Variants in PHF8 observed in about 807,000 individuals in gnomAD.
PHF8 encodes histone lysine demethylase PHF8.
PHF8 carries 9 observed loss-of-function variants against 74.4 expected under a neutral mutation model. That is an observed-to-expected ratio of 0.12 (90% CI 0.07 to 0.21). The LOEUF (loss-of-function observed/expected upper bound fraction) is 0.21, where lower values mean the gene tolerates loss of function less well. PHF8 is among the 10% of genes least tolerant of loss of function. The pLI is 1.00. For missense variants in PHF8, 478 were observed against 816.6 expected (o/e 0.59, Z 5.05); for synonymous variants, 311 against 316.6 (o/e 0.98, Z 0.19).
In PHF8 at chrX:53,959,758, G is replaced by A. The variant is rs1016058117; in HGVS notation, c.2539+3086C>T. ...GCGCGCCTATAGTCCCAGCTACTTT[G>A]GAGGCTGAGGTATGAGAATCGTTTG... On this transcript the variant is annotated intron_variant, in intron 19 of 21. Coordinates refer to ENST00000338154, the MANE Select transcript of PHF8 (RefSeq NM_015107.3). 1.1e-4 allele frequency among the ~76,000 whole-genome samples: 12 copies of A among 106,036 alleles called. No individual in the cohort carries two copies. The Admixed American group carries it at 1.1e-3, about 10-fold the overall frequency. 92.1% of individuals were successfully genotyped at this position (106,036 alleles called of 115,157 possible).
chrX:54,042,857 C>T, intron 1 of PHF8, 37 bp from the exon 2 acceptor site: 1 of 887,506 alleles, frequency 1.1e-6, no homozygotes. Flanking sequence ...AGTGAATCAG[C>T]CCCCGCCCCC....
At chrX:53,945,563 G>A (rs1557084958) in intron 19 of PHF8, among the ~76,000 whole-genome samples, 1 of 110,392 alleles carries the variant, frequency 9.1e-6, no homozygotes, top group African/African-American at 3.3e-5. Context: ...TAATCTCCCT[G>A]AACTGGCATT....
chrX:53,976,604 C>G (rs782301591), intron 18 of PHF8, among the ~76,000 whole-genome samples: 1 of 107,143 alleles, frequency 9.3e-6, no homozygotes, highest in East Asian at 2.9e-4. Flanking sequence ...CAAGGCTATG[C>G]AACACAGTGA....
intron 14 of PHF8, among the ~76,000 whole-genome samples, chrX:53,989,018 G>C (rs1603316116): frequency 9.3e-6 from 1 of 107,043 alleles, no homozygotes; most frequent in African/African-American, 3.4e-5. Flanking sequence ...CTGGAGTACA[G>C]TGGCATGATC....
At chrX:53,987,657 C>T (rs1405755479) in intron 15 of PHF8, 109 bp downstream of exon 15, 11 of 683,888 alleles carry the variant, frequency 1.6e-5, no homozygotes, top group Non-Finnish European at 2.5e-5. Flanking sequence ...TGCAGTGAGC[C>T]AAGATCGTGC....
At chrX:53,988,953 A>G (rs1051146755) in intron 14 of PHF8, among the ~76,000 whole-genome samples, 6 of 107,779 alleles carry the variant, frequency 5.6e-5, no homozygotes, top group Admixed American at 1.0e-4. Flanking sequence ...GACAATTTTT[A>G]TATTTGCTTT....
At position 54,017,686 on chromosome X, in the gene PHF8, A is replaced by G; in HGVS notation, c.429T>C (p.Thr143=). ...CAACATAGTGTTCAACATCCCTCACAGTGAATGATGGCGAGGGCAGCGTCA... is the reference window on the plus strand; with the variant it reads ...CAACATAGTGTTCAACATCCCTCACGGTGAATGATGGCGAGGGCAGCGTCA... ...LGMTLPSPSF[T]VRDVEHYVGS... Residue 143 remains threonine, a synonymous_variant, in exon 5 of 22, where the codon ACT becomes ACC. Coordinates refer to ENST00000338154, the MANE Select transcript of PHF8 (RefSeq NM_015107.3). 8.3e-7 allele frequency: 1 copy of G among 1,208,795 alleles called. No homozygotes were observed.
At position 53,943,203 on chromosome X, in the gene PHF8, G is replaced by A. The variant is rs1458546049; in HGVS notation, c.2649+931C>T. 6.5e-6 allele frequency: 6 copies of A among 927,872 alleles called. No homozygotes were observed. In the African/African-American group the frequency reaches 1.2e-4, roughly 19 times the overall value. The allele number at this position is 927,872 out of a possible 1,213,427, so 76.5% of individuals were successfully genotyped here. A position where few individuals can be genotyped will look rare whatever the true frequency, so the allele number is the denominator to read the frequency against. On this transcript the variant is annotated intron_variant, in intron 20 of 21. Transcript: ENST00000338154. The stretch of plus-strand genomic sequence containing the variant: ...TTACACTGTATTGGGATATACATAA[G>A]AGACAGAAGTTCTGGTCAAAGAAGA...
chrX:54,021,843 C>CT (rs1190216113), intron 4 of PHF8, among the ~76,000 whole-genome samples: 1 of 111,241 alleles, frequency 9.0e-6, no homozygotes, highest in African/African-American at 3.3e-5. Flanking sequence ...TGCTTTGTTC[C>CT]TTTTTTTAAC....
At chrX:54,017,211 C>G (rs915613402) in intron 5 of PHF8, among the ~76,000 whole-genome samples, 1 of 112,728 alleles carries the variant, frequency 8.9e-6, no homozygotes, top group Non-Finnish European at 1.9e-5. Context: ...GTTGGGAGGC[C>G]GAGGCAGAAA....
chrX:53,960,352 G>T (rs2065083810), intron 19 of PHF8, among the ~76,000 whole-genome samples: 1 of 109,049 alleles, frequency 9.2e-6, no homozygotes, highest in Admixed American at 9.8e-5. Context: ...TGGGATTACA[G>T]GCGTGAGCCA....
At position 53,940,505 on chromosome X, in the gene PHF8, C is replaced by G; in HGVS notation, c.2661G>C (p.Lys887Asn). 1 of 1,193,632 alleles carries G rather than the reference C, an allele frequency of 8.4e-7. No homozygotes were observed. The highest frequency in any genetic ancestry group is 1.1e-6 in the Non-Finnish European group (1 of 880,874). Residue 887 changes from lysine to asparagine, a missense_variant, in exon 21 of 22, where the codon AAG becomes AAC. By Grantham distance (94) the Lys-to-Asn change is moderately conservative. This residue lies in a region of PHF8 where 75 missense variants were observed against 93.3 expected (regional missense o/e 0.80). Transcript: ENST00000338154. ...AAKLAQQELQ[K>N]AQKKKYIKKK... ...TCTTGATATATTTCTTCTTTTGGGC[C>G]TTCTGTAGCTCCTGAAACACAAGCC...
At chrX:54,020,821 G>A (rs1471908738) in intron 4 of PHF8, among the ~76,000 whole-genome samples, 1 of 110,847 alleles carries the variant, frequency 9.0e-6, no homozygotes, top group Non-Finnish European at 1.9e-5. Context: ...AGAGCAAAGG[G>A]AATACTTATA....
chrX:53,961,839 T>A (rs1283465965), intron 19 of PHF8, among the ~76,000 whole-genome samples: 2 of 111,239 alleles, frequency 1.8e-5, no homozygotes, highest in Non-Finnish European at 3.8e-5. Flanking sequence ...TGGCCTTCAG[T>A]GTGCTCATGT....
chrX:53,993,958 C>T (rs1206522504), intron 12 of PHF8, 55 bp from the exon 13 acceptor site: 1 of 900,950 alleles, frequency 1.1e-6, no homozygotes, highest in African/African-American at 2.0e-5. Context: ...GTTCTCTCAA[C>T]ACTAACAGCA....
chrX:53,978,508 A>G, intron 18 of PHF8, among the ~76,000 whole-genome samples: 1 of 111,446 alleles, frequency 9.0e-6, no homozygotes, highest in Non-Finnish European at 1.9e-5. Flanking sequence ...TATTAAAGCC[A>G]TTATGGTGGG....
Position 53,985,141 on chromosome X carries a change from G to T in PHF8, c.2216C>A (p.Ala739Asp). Residue 739 changes from alanine to aspartate, a missense_variant, in exon 18 of 22, where the codon GCT becomes GAT. Physicochemically the swap from Ala to Asp is moderately radical, Grantham distance 126 (BLOSUM62 -2). This residue lies in a region of PHF8 where 51 missense variants were observed against 45.8 expected (regional missense o/e 1.11). Transcript: ENST00000338154. ...CCACCAGGCCTGCAGGCTAGAGGTA[G>T]CCGGTGAGGACGATGAGGACTGCAG... ...ANLQSSSSSP[A>D]TSSLQAWWTG... 8.3e-7 allele frequency: 1 copy of T among 1,207,781 alleles called. No individual in the cohort carries two copies. Among genetic ancestry groups the T allele is most frequent in the Non-Finnish European group, 1.1e-6 (1 of 892,983 alleles).
Position 53,948,313 on chromosome X carries a change from G to A in PHF8, c.2540-4070C>T, listed in dbSNP as rs1353293668. Among the ~76,000 whole-genome samples, 3 of 111,861 alleles carry A rather than the reference G, an allele frequency of 2.7e-5. No homozygotes were observed. In the East Asian group the frequency reaches 8.5e-4, roughly 32 times the overall value. On this transcript the variant is annotated intron_variant, in intron 19 of 21. Transcript: ENST00000338154. ...CCTTATTTAATTTTTTTGAGATGGAGTCTCACAGTCACGCAGTGGCGTGAC... is the reference window on the plus strand; with the variant it reads ...CCTTATTTAATTTTTTTGAGATGGAATCTCACAGTCACGCAGTGGCGTGAC...
At position 53,937,822 on chromosome X, in the gene PHF8, A is replaced by T; in HGVS notation, c.*1336T>A. The T allele has an allele frequency of 2.1e-6, 1 of 473,240 alleles. No homozygotes were observed. The highest frequency in any genetic ancestry group is 3.7e-6 in the Non-Finnish European group (1 of 271,431). The allele number at this position is 473,240 out of a possible 1,213,427, so 39.0% of individuals were successfully genotyped here. On this transcript the variant is annotated 3_prime_UTR_variant, in exon 22 of 22. Transcript: ENST00000338154. ...GGTGGAAAGGGCAAGGGTACACTCCACTTGGGTAGTGCCAAATGGAGGTGG... is the reference window on the plus strand; with the variant it reads ...GGTGGAAAGGGCAAGGGTACACTCCTCTTGGGTAGTGCCAAATGGAGGTGG...
Sources: gnomAD v4.1 joint callset for allele counts (sites outside exome capture counted in the v4.1 genomes callset) on GRCh38, gnomAD v4.1.1 for gene constraint, gnomAD v4.1.1 regional missense constraint, MANE v1.5 for transcripts, NCBI Gene and HGNC (gene_info 2026-07-23, HGNC 2026-07-21) for gene names.